Variants in IL11 observed in about 807,000 individuals in gnomAD.
The protein encoded by IL11 is interleukin-11.
In IL11, 17 loss-of-function variants were observed where a neutral mutation model predicts 18.1. That is an observed-to-expected ratio of 0.94 (90% confidence interval 0.64 to 1.41). The LOEUF (loss-of-function observed/expected upper bound fraction) is 1.41. IL11 is among the 40% of genes most tolerant of loss of function. The pLI, the probability that IL11 is intolerant of heterozygous loss-of-function variation, is 0.00. For synonymous variants in IL11, 144 were observed against 134.1 expected (o/e 1.07, Z -0.51); for missense variants, 309 against 262.8 (o/e 1.18, Z -1.22).
In IL11 at chr19:55,369,015, C is replaced by T. The variant is rs2123243332; in HGVS notation, c.8-74G>A. 5 of 1,357,718 alleles carry T rather than the reference C, an allele frequency of 3.7e-6. No homozygotes were observed. Among genetic ancestry groups the T allele is most frequent in the East Asian group, 5.2e-5 (2 of 38,812 alleles). The allele number at this position is 1,357,718 out of a possible 1,614,324, so 84.1% of individuals were successfully genotyped here. ...AGAGGAGGGCCTGGGCCTGGACTCCCGGGTCTGAGGGAGGAGGAACTGGGG... is the reference window on the plus strand; with the variant it reads ...AGAGGAGGGCCTGGGCCTGGACTCCTGGGTCTGAGGGAGGAGGAACTGGGG... On this transcript the variant is annotated intron_variant, in intron 1 of 4. Coordinates refer to ENST00000264563, the MANE Select transcript of IL11 (RefSeq NM_000641.4). The surrounding 1 kb of genome is among the most constrained non-coding windows in gnomAD (Gnocchi z 6.1).
Position 55,369,635 on chromosome 19 carries a change from C to CTGGCG in IL11, c.7+668_7+669insCGCCA, listed in dbSNP as rs1569032847. ...AGCTGGCGGCGGGGGGCGCGGGGGGCGCGGGGGGCGCGGGGGTCCGGAGCT... is the reference window on the plus strand; with the variant it reads ...AGCTGGCGGCGGGGGGCGCGGGGGGCTGGCGGCGGGGGGCGCGGGGGTCCGGAGCT... On this transcript the variant is annotated intron_variant, in intron 1 of 4. Coordinates refer to ENST00000264563, the MANE Select transcript of IL11 (RefSeq NM_000641.4). This position sits in a 1 kb window ranked among gnomAD's most constrained non-coding sequence, Gnocchi z 6.1. Among the ~76,000 whole-genome samples the CTGGCG allele has an allele frequency of 7.9e-5, 7 of 88,528 alleles. No homozygotes were observed. The highest frequency in any genetic ancestry group is 2.3e-4 in the African/African-American group (2 of 8,856). The allele number at this position is 88,528 out of a possible 152,430, so 58.1% of individuals were successfully genotyped here. A position where few individuals can be genotyped will look rare whatever the true frequency, so the allele number is the denominator to read the frequency against.
chr19:55,370,419 C>A lies in IL11; in HGVS notation c.-109G>T. 1.4e-6 allele frequency: 1 copy of A among 731,958 alleles called. No homozygotes were observed. Among genetic ancestry groups the A allele is most frequent in the South Asian group, 2.7e-5 (1 of 37,648 alleles). 45.3% of individuals were successfully genotyped at this position (731,958 alleles called of 1,614,324 possible). The stretch of plus-strand genomic sequence containing the variant: ...CCCCGAGGGTCAGCTGGGCCGCGGC[C>A]TGGGGAGGGGAGGCATGTGCCCTGA... On this transcript the variant is annotated 5_prime_UTR_variant, in exon 1 of 5. In the 5' UTR this introduces an upstream ATG that the reference lacks. Coordinates refer to ENST00000264563, the MANE Select transcript of IL11 (RefSeq NM_000641.4).
chr19:55,366,237 G>A lies in IL11; in HGVS notation c.430-60C>T. ...GGGGTGCAGCGGGGGTGCAGGGCAG[G>A]GGTGCTGTGGAGCTGCAGCTGAATC... On this transcript the variant is annotated intron_variant, in intron 4 of 4. Coordinates refer to ENST00000264563, the MANE Select transcript of IL11 (RefSeq NM_000641.4). The surrounding 1 kb of genome is among the most constrained non-coding windows in gnomAD (Gnocchi z 4.6). The A allele has an allele frequency of 7.0e-7, 1 of 1,426,324 alleles. No homozygotes were observed. Among genetic ancestry groups the A allele is most frequent in the Non-Finnish European group, 9.2e-7 (1 of 1,087,876 alleles). The allele number at this position is 1,426,324 out of a possible 1,614,324, so 88.4% of individuals were successfully genotyped here. A position where few individuals can be genotyped will look rare whatever the true frequency, so the allele number is the denominator to read the frequency against.
Position 55,370,400 on chromosome 19 carries a change from G to C in IL11, c.-90C>G, listed in dbSNP as rs1032495651. 4 of 1,173,900 alleles carry C rather than the reference G, an allele frequency of 3.4e-6. No individual in the cohort carries two copies. The highest frequency in any genetic ancestry group is 6.3e-5 in the East Asian group (2 of 31,756). 72.7% of individuals were successfully genotyped at this position (1,173,900 alleles called of 1,614,324 possible). On this transcript the variant is annotated 5_prime_UTR_variant, in exon 1 of 5. Transcript: ENST00000264563. ...CTGTCCGCTGCCGGGGGAGCCCCGA[G>C]GGTCAGCTGGGCCGCGGCCTGGGGA...
intron 3 of IL11, 34 bp downstream of exon 3, chr19:55,368,449 C>T (rs780773377): frequency 1.7e-5 from 27 of 1,583,214 alleles, no homozygotes; most frequent in Non-Finnish European, 4.3e-6. Context: ...TGCCTGCCTC[C>T]CACCTTGTCC....
chr19:55,365,467 A>ACCTCCACCTGAATGGAGGTCTCC lies in IL11; in HGVS notation c.*517_*539dup, dbSNP rs1231243841. 11 of 160,620 alleles carry ACCTCCACCTGAATGGAGGTCTCC rather than the reference A, an allele frequency of 6.8e-5. No homozygotes were observed. Among genetic ancestry groups the ACCTCCACCTGAATGGAGGTCTCC allele is most frequent in the East Asian group, 5.8e-4 (3 of 5,202 alleles). The allele number at this position is 160,620 out of a possible 1,614,324, so 9.9% of individuals were successfully genotyped here. On this transcript the variant is annotated 3_prime_UTR_variant, in exon 5 of 5. Coordinates refer to ENST00000264563, the MANE Select transcript of IL11 (RefSeq NM_000641.4). ...CCAGTCGCTGCCCCGCCCACTCGGG[A>ACCTCCACCTGAATGGAGGTCTCC]CCTCCACCTGAATGGAGGTCTCCCC...
chr19:55,366,628 C>T lies in IL11; in HGVS notation c.430-451G>A, dbSNP rs1413342837. Among the ~76,000 whole-genome samples, 4 of 151,918 alleles carry T rather than the reference C, an allele frequency of 2.6e-5. No individual in the cohort carries two copies. Among genetic ancestry groups the T allele is most frequent in the South Asian group, 2.1e-4 (1 of 4,812 alleles). ...GAGTTTGTGACCAGCCTGGGCAACA[C>T]GGTGAAACCCTGTGTCTACTAAAAT... On this transcript the variant is annotated intron_variant, in intron 4 of 4. Coordinates refer to ENST00000264563, the MANE Select transcript of IL11 (RefSeq NM_000641.4). The surrounding 1 kb of genome is among the most constrained non-coding windows in gnomAD (Gnocchi z 4.6).
At chr19:55,368,141 A>G in intron 4 of IL11, 69 bp downstream of exon 4, 1 of 1,362,272 alleles carries the variant, frequency 7.3e-7, no homozygotes. Flanking sequence ...GGCTTCAAGG[A>G]CTCAGGCCAC....
rs2089805890 is a variant in IL11, at chr19:55,369,189, G to A, written c.8-248C>T. On this transcript the variant is annotated intron_variant, in intron 1 of 4. Coordinates refer to ENST00000264563, the MANE Select transcript of IL11 (RefSeq NM_000641.4). The surrounding 1 kb of genome is among the most constrained non-coding windows in gnomAD (Gnocchi z 6.1). ...GGCCTTAGGGAGGATGGAGCTGGAG[G>A]TCTTAAGTCCCAGGGTGGAACGCCC... The A allele has an allele frequency of 2.7e-6, 1 of 374,718 alleles. No homozygotes were observed. Among genetic ancestry groups the A allele is most frequent in the Non-Finnish European group, 4.8e-6 (1 of 208,482 alleles). The allele number at this position is 374,718 out of a possible 1,614,324, so 23.2% of individuals were successfully genotyped here.
intron 2 of IL11, 65 bp downstream of exon 2, chr19:55,368,704 G>A (rs901341360): frequency 1.3e-6 from 2 of 1,510,922 alleles, no homozygotes; most frequent in Non-Finnish European, 1.8e-6. Context: ...GTGGCTGCCC[G>A]CAGACTCCTC....
intron 4 of IL11, 119 bp downstream of exon 4, chr19:55,368,091 G>A: frequency 1.2e-6 from 1 of 838,252 alleles, no homozygotes; most frequent in Non-Finnish European, 1.8e-6. Context: ...GGGTGTCAGG[G>A]TCTCAGAGCG....
Position 55,365,606 on chromosome 19 carries a change from T to A in IL11, c.*401A>T. 1 of 207,458 alleles carries A rather than the reference T, an allele frequency of 4.8e-6. No homozygotes were observed. Among genetic ancestry groups the A allele is most frequent in the Non-Finnish European group, 9.6e-6 (1 of 103,790 alleles). The allele number at this position is 207,458 out of a possible 1,614,324, so 12.9% of individuals were successfully genotyped here. On this transcript the variant is annotated 3_prime_UTR_variant, in exon 5 of 5. Transcript: ENST00000264563. ...CCCTGTTCTCTGTCTCACAAAGGTT[T>A]CTCACATTTTTGTACAAAAACCCAG...
In IL11 at chr19:55,365,752, T is replaced by C; in HGVS notation, c.*255A>G. Reference sequence around the variant, plus strand: ...GGGCAGAAGTCTGTGGACAGACTTCTTGGAGACCCAAGAATCCGGGACCCC... The same window carrying C: ...GGGCAGAAGTCTGTGGACAGACTTCCTGGAGACCCAAGAATCCGGGACCCC... On this transcript the variant is annotated 3_prime_UTR_variant, in exon 5 of 5. Transcript: ENST00000264563. The C allele has an allele frequency of 1.9e-6, 1 of 519,862 alleles. No homozygotes were observed. Among genetic ancestry groups the C allele is most frequent in the African/African-American group, 2.0e-5 (1 of 49,324 alleles). The allele number at this position is 519,862 out of a possible 1,614,324, so 32.2% of individuals were successfully genotyped here.
At chr19:55,367,817 T>G (rs1381999016) in intron 4 of IL11, among the ~76,000 whole-genome samples, 3 of 152,048 alleles carry the variant, frequency 2.0e-5, no homozygotes, top group African/African-American at 7.2e-5. Context: ...GGTGAGGATT[T>G]GAATTCTCAA....
chr19:55,365,897 A>G lies in IL11; in HGVS notation c.*110T>C. 2 of 1,495,380 alleles carry G rather than the reference A, an allele frequency of 1.3e-6. No homozygotes were observed. The highest frequency in any genetic ancestry group is 1.8e-6 in the Non-Finnish European group (2 of 1,103,964). The allele number at this position is 1,495,380 out of a possible 1,614,324, so 92.6% of individuals were successfully genotyped here. On this transcript the variant is annotated 3_prime_UTR_variant, in exon 5 of 5. Transcript: ENST00000264563. ...CCTCACGGAAGGACTGTCTCTAACT[A>G]GGGGGAGATAATGGCGGGGGGATCA...
intron 4 of IL11, among the ~76,000 whole-genome samples, chr19:55,367,660 A>G (rs2089794042): frequency 6.6e-6 from 1 of 151,260 alleles, no homozygotes; most frequent in Non-Finnish European, 1.5e-5. Context: ...GGGTTTCACC[A>G]TGTTGGTCTG....
Position 55,368,835 on chromosome 19 carries a change from C to A in IL11, c.114G>T (p.Glu38Asp). 1 of 1,590,708 alleles carries A rather than the reference C, an allele frequency of 6.3e-7. No homozygotes were observed. The highest frequency in any genetic ancestry group is 8.6e-7 in the Non-Finnish European group (1 of 1,169,294). The change falls in exon 2 of 5, where the codon GAG becomes GAT. Residue 38 changes from glutamate to aspartate, a missense_variant. Glu to Asp is a conservative substitution (Grantham distance 45). Transcript: ENST00000264563. ...PPRVSPDPRA[E>D]LDSTVLLTRS... ...GGGTCAGGAGCACGGTGCTGTCCAG[C>A]TCGGCCCGAGGGTCTGGGGAAACTC...
Position 55,370,410 on chromosome 19 carries a change from G to C in IL11, c.-100C>G. 1 of 1,069,232 alleles carries C rather than the reference G, an allele frequency of 9.4e-7. No individual in the cohort carries two copies. The highest frequency in any genetic ancestry group is 1.3e-6 in the Non-Finnish European group (1 of 793,320). The allele number at this position is 1,069,232 out of a possible 1,614,324, so 66.2% of individuals were successfully genotyped here. Reference sequence around the variant, plus strand: ...CCGGGGGAGCCCCGAGGGTCAGCTGGGCCGCGGCCTGGGGAGGGGAGGCAT... The same window carrying C: ...CCGGGGGAGCCCCGAGGGTCAGCTGCGCCGCGGCCTGGGGAGGGGAGGCAT... On this transcript the variant is annotated 5_prime_UTR_variant, in exon 1 of 5. Transcript: ENST00000264563.
intron 2 of IL11, 70 bp downstream of exon 2, chr19:55,368,699 T>C: frequency 6.6e-7 from 1 of 1,506,778 alleles, no homozygotes; most frequent in South Asian, 1.3e-5. Context: ...TCCAAGTGGC[T>C]GCCCGCAGAC....
Sources: allele counts gnomAD v4.1 joint callset (sites outside exome capture counted in the v4.1 genomes callset), GRCh38; gene constraint gnomAD v4.1.1; non-coding constraint Gnocchi (gnomAD v3.1); transcripts MANE v1.5; gene names NCBI Gene and HGNC (gene_info 2026-07-23, HGNC 2026-07-21).